Variants in DHX37 observed in about 807,000 individuals in gnomAD.
DHX37 encodes probable ATP-dependent RNA helicase DHX37.
Under a neutral mutation model 134.3 loss-of-function variants are expected in DHX37, and 52 were observed. That is an observed-to-expected ratio of 0.39 (90% CI 0.31 to 0.49). The LOEUF (loss-of-function observed/expected upper bound fraction) is 0.49, where lower values mean the gene tolerates loss of function less well. Among genes scored for constraint, DHX37 ranks in the 20% least tolerant of loss-of-function variants. The pLI is 0.93. For missense variants in DHX37, 1,344 were observed against 1,580.8 expected (o/e 0.85, Z 2.54); for synonymous variants, 634 against 670.7 (o/e 0.95, Z 0.85).
intron 6 of DHX37, 24 bp downstream of exon 6, chr12:124,975,395 G>C (rs759861814): frequency 6.2e-7 from 1 of 1,610,160 alleles, no homozygotes; most frequent in East Asian, 2.2e-5. Flanking sequence ...CCCATAGTCC[G>C]CCCCAGGGAA....
At chr12:124,961,052 T>C (rs1191407577) in intron 15 of DHX37, among the ~76,000 whole-genome samples, 1 of 148,428 alleles carries the variant, frequency 6.7e-6, no homozygotes, top group Non-Finnish European at 1.5e-5. Context: ...TTACTGGTTT[T>C]CTTTGTAAAT....
chr12:124,986,177 C>T lies in DHX37; in HGVS notation c.195G>A (p.Ser65=), dbSNP rs370109347. Residue 65 remains serine (S), a synonymous_variant, in exon 2 of 27, where the codon TCG becomes TCA. Coordinates refer to ENST00000308736, the MANE Select transcript of DHX37 (RefSeq NM_032656.4). ...TGGTCAGAGGCTTCTTCTCCTTCTT[C>T]GACAGGGGAGGGGCTTTGGTCTTCT... ...KKKKTKAPPL[S]KKEKKPLTKK... The T allele has an allele frequency of 3.3e-4, 537 of 1,614,062 alleles. No homozygotes were observed. The highest frequency in any genetic ancestry group is 4.3e-4 in the Non-Finnish European group (510 of 1,180,052).
Position 124,975,474 on chromosome 12 carries a change from C to A in DHX37, c.925G>T (p.Val309Leu). The change falls in exon 6 of 27, where the codon GTG becomes TTG. Residue 309 changes from valine (V) to leucine (L), a missense_variant. Physicochemically the swap from Val to Leu is conservative, Grantham distance 32. This residue lies in a region of DHX37 where 77 missense variants were observed against 121.6 expected (regional missense o/e 0.63). Transcript: ENST00000308736. ...SIIGVTEPRR[V>L]AAVAMSQRVA... ...CGCTGGGACATGGCCACGGCGGCCA[C>A]TCGGCGGGGCTCCGTGACACCGATG... is the stretch of plus-strand genomic sequence containing the variant. 1 of 1,612,786 alleles carries A rather than the reference C, an allele frequency of 6.2e-7. No individual in the cohort carries two copies.
chr12:124,959,595 C>G (rs6488961), intron 16 of DHX37, among the ~76,000 whole-genome samples: 88,005 of 151,996 alleles, frequency 0.58, 28,195 homozygotes, highest in African/African-American at 0.86. Flanking sequence ...ACAATATTCA[C>G]AAAACCACAG....
intron 19 of DHX37, 26 bp from the exon 20 acceptor site, chr12:124,954,022 C>T (rs763395834): frequency 4.3e-6 from 7 of 1,613,466 alleles, no homozygotes; most frequent in African/African-American, 4.0e-5. Flanking sequence ...GGGGCATGCT[C>T]TCTCTCTGAC....
At chr12:124,971,559 C>T (rs989021266) in intron 7 of DHX37, 144 bp from the exon 8 acceptor site, 5 of 1,353,302 alleles carry the variant, frequency 3.7e-6, no homozygotes, top group South Asian at 1.4e-5. Context: ...ACTCAGATGC[C>T]CGCAGAGTGG....
Position 124,965,709 on chromosome 12 carries a change from G to A in DHX37, c.1694C>T (p.Ser565Phe). The change falls in exon 13 of 27, where the codon TCC becomes TTC. Residue 565 changes from serine (S) to phenylalanine (F), a missense_variant. Physicochemically the swap from Ser to Phe is radical, Grantham distance 155. Transcript: ENST00000308736. ...ATCCCCCAGGTCCAGATCGAGGTCG[G>A]AGTCCAGGGCCCCCTCTTCCTCATC... ...EVDEEEGALD[S>F]DLDLDLGDGG... The A allele has an allele frequency of 3.7e-6, 6 of 1,613,730 alleles. No individual in the cohort carries two copies. The highest frequency in any genetic ancestry group is 5.1e-6 in the Non-Finnish European group (6 of 1,179,794).
chr12:124,959,044 G>C (rs1954168127), intron 16 of DHX37, among the ~76,000 whole-genome samples: 1 of 135,390 alleles, frequency 7.4e-6, no homozygotes, highest in African/African-American at 3.6e-5. Context: ...CAAGTAGCTG[G>C]GATTATAGGC....
Position 124,957,010 on chromosome 12 carries a change from C to T in DHX37, c.2264+19G>A, listed in dbSNP as rs777457984. 8.1e-5 allele frequency: 123 copies of T among 1,523,136 alleles called. No individual in the cohort carries two copies. In the East Asian group the frequency reaches 2.9e-3, roughly 36 times the overall value. 94.4% of individuals were successfully genotyped at this position (1,523,136 alleles called of 1,614,324 possible). A position where few individuals can be genotyped will look rare whatever the true frequency, so the allele number is the denominator to read the frequency against. On this transcript the variant is annotated intron_variant, in intron 17 of 26. Coordinates refer to ENST00000308736, the MANE Select transcript of DHX37 (RefSeq NM_032656.4). ...CCCTGAACGGGGCAGGAACTGGGCT[C>T]TGCATCTCTTGGCCTTACCTTTCTG... is the stretch of plus-strand genomic sequence containing the variant.
At position 124,985,214 on chromosome 12, in the gene DHX37, C is replaced by T. The variant is rs564573435; in HGVS notation, c.276+882G>A. Among the ~76,000 whole-genome samples, 25 of 152,232 alleles carry T rather than the reference C, an allele frequency of 1.6e-4. No homozygotes were observed. The South Asian group carries it at 4.4e-3, about 27-fold the overall frequency. On this transcript the variant is annotated intron_variant, in intron 2 of 26. Transcript: ENST00000308736. ...TTTGTGGTCATTTGTATGACATCCC[C>T]AGGAAACTAGTACAGATTCACTGTA...
chr12:124,984,143 G>C (rs955824434), intron 2 of DHX37, among the ~76,000 whole-genome samples: 1 of 152,172 alleles, frequency 6.6e-6, no homozygotes, highest in Non-Finnish European at 1.5e-5. Context: ...TGGGGCAGCG[G>C]GGGGCGGCGC....
rs1446989135 is a variant in DHX37 at position 124,980,862 on chromosome 12, G to A, written c.390-24C>T. ...TCCTGTTGAGATAGCAGAGACTTCA[G>A]GCACAGAGGCCCCACCTCAATCCCA... On this transcript the variant is annotated intron_variant, in intron 3 of 26. Transcript: ENST00000308736. The surrounding 1 kb of genome is among the most constrained non-coding windows in gnomAD (Gnocchi z 5.3). 9.7e-6 allele frequency: 15 copies of A among 1,540,648 alleles called. No homozygotes were observed. The Admixed American group carries it at 2.9e-4, about 30-fold the overall frequency.
intron 2 of DHX37, among the ~76,000 whole-genome samples, chr12:124,985,619 C>T (rs189808195): frequency 3.3e-5 from 5 of 150,080 alleles, no homozygotes; most frequent in Admixed American, 6.6e-5. Flanking sequence ...TGGTGGCACG[C>T]GCCTGTAATC....
chr12:124,983,954 G>A (rs1335589660), intron 2 of DHX37, among the ~76,000 whole-genome samples: 1 of 152,162 alleles, frequency 6.6e-6, no homozygotes. Context: ...TGATTCTCAT[G>A]AAGGCTCCAG....
intron 12 of DHX37, 27 bp from the exon 13 acceptor site, chr12:124,965,839 G>A (rs1954375217): frequency 6.2e-7 from 1 of 1,603,348 alleles, no homozygotes; most frequent in African/African-American, 1.3e-5. Context: ...ATAGACACCT[G>A]GGCTGCAGGG....
At chr12:124,974,234 G>A (rs527402439) in intron 6 of DHX37, among the ~76,000 whole-genome samples, 28 of 152,102 alleles carry the variant, frequency 1.8e-4, no homozygotes, top group African/African-American at 6.7e-4. Flanking sequence ...GATTACAGGC[G>A]TGAGCCACCG....
rs1954031538 is a variant in DHX37, at chr12:124,953,978, T to C, written c.2597A>G (p.Glu866Gly). ...MVLLGAVGAC[E>G]YASCTPQFCE... ...AAACTGGGGTGTGCAGCTGGCATAC[T>C]CACAGGCTCCCACGGCGCCTGGGGA... The change falls in exon 20 of 27, where the codon GAG (glutamate) becomes GGG (glycine). Residue 866 changes from glutamate (E) to glycine (G), a missense_variant. This residue lies in a region of DHX37 where 558 missense variants were observed against 650.0 expected (regional missense o/e 0.86). Coordinates refer to ENST00000308736, the MANE Select transcript of DHX37 (RefSeq NM_032656.4). 12 of 1,613,586 alleles carry C rather than the reference T, an allele frequency of 7.4e-6. No individual in the cohort carries two copies. The highest frequency in any genetic ancestry group is 1.3e-5 in the African/African-American group (1 of 75,040).
intron 12 of DHX37, 102 bp downstream of exon 12, chr12:124,966,691 T>C (rs547488036): frequency 1.6e-6 from 2 of 1,230,436 alleles, no homozygotes; most frequent in East Asian, 2.3e-5. Context: ...CTTCATTTTA[T>C]TCCAATTACA....
chr12:124,982,426 A>C, intron 3 of DHX37, 85 bp downstream of exon 3: 1 of 1,517,384 alleles, frequency 6.6e-7, no homozygotes, highest in Non-Finnish European at 8.9e-7. Context: ...CAAATGTTCC[A>C]CCCCCAGAGG....
Sources: gnomAD v4.1 joint callset for allele counts (sites outside exome capture counted in the v4.1 genomes callset) on GRCh38, gnomAD v4.1.1 for gene constraint, gnomAD v4.1.1 regional missense constraint, Gnocchi (gnomAD v3.1) non-coding constraint, MANE v1.5 for transcripts, NCBI Gene and HGNC (gene_info 2026-07-23, HGNC 2026-07-21) for gene names.